SOX5: variants seen among roughly 807,000 people sequenced by gnomAD.
SOX5 encodes transcription factor SOX-5.
In SOX5, 9 loss-of-function variants were observed where a neutral mutation model predicts 92.0. The ratio of observed to expected loss-of-function variants is 0.10; its 90% confidence interval spans 0.06 to 0.17. The LOEUF (loss-of-function observed/expected upper bound fraction) is 0.17, where lower values mean the gene tolerates loss of function less well. SOX5 is among the 10% of genes least tolerant of loss of function. SOX5 has a pLI of 1.00. For synonymous variants in SOX5, 344 were observed against 336.3 expected (o/e 1.02, Z -0.25); for missense variants, 642 against 944.5 (o/e 0.68, Z 4.20).
chr12:23,847,080 ATAT>A (rs550280047), intron 2 of SOX5, among the ~76,000 whole-genome samples: 154 of 152,250 alleles, frequency 1.0e-3, no homozygotes, highest in African/African-American at 3.4e-3. Flanking sequence ...TGTATAAAAC[ATAT>A]TAAGGTGATT....
chr12:24,353,583 G>T (rs1024554347), intron 2 of SOX5, among the ~76,000 whole-genome samples: 1 of 152,032 alleles, frequency 6.6e-6, no homozygotes, highest in Non-Finnish European at 1.5e-5. Flanking sequence ...AAAAGACTGG[G>T]AAGAGTATGT....
At chr12:24,292,940 C>T (rs977823184) in intron 2 of SOX5, among the ~76,000 whole-genome samples, 29 of 152,092 alleles carry the variant, frequency 1.9e-4, no homozygotes, top group Admixed American at 1.8e-3. Flanking sequence ...TCAAGTGAGT[C>T]GGCTGTAGGA....
intron 4 of SOX5, among the ~76,000 whole-genome samples, chr12:24,191,408 C>T (rs1956513740): frequency 6.6e-6 from 1 of 152,168 alleles, no homozygotes; most frequent in Admixed American, 6.5e-5. Context: ...GAGTCTGCTG[C>T]TTGTGCCAAG....
intron 4 of SOX5, among the ~76,000 whole-genome samples, chr12:24,039,737 A>G (rs115721023): frequency 0.022 from 3,417 of 152,278 alleles, 133 homozygotes; most frequent in African/African-American, 0.079. Flanking sequence ...CCCTTTTGTA[A>G]TCATTCACAT....
intron 4 of SOX5, among the ~76,000 whole-genome samples, chr12:24,014,685 T>C (rs1953367934): frequency 6.6e-6 from 1 of 152,140 alleles, no homozygotes. Context: ...TTTGGGAAAG[T>C]CACTTGGAAA....
At chr12:23,778,359 G>A (rs2095172699) in intron 3 of SOX5, among the ~76,000 whole-genome samples, 1 of 152,198 alleles carries the variant, frequency 6.6e-6, no homozygotes, top group Non-Finnish European at 1.5e-5. Context: ...ACGAGGTTAA[G>A]TGAACCAAGT....
rs10533613 is a variant in SOX5 at position 24,117,459 on chromosome 12, G to GAT, written c.-2+95882_-2+95883dup. 2.0e-4 allele frequency among the ~76,000 whole-genome samples: 30 copies of GAT among 151,600 alleles called. 1 individual carries two copies. Among genetic ancestry groups the GAT allele is most frequent in the Admixed American group, 4.6e-4 (7 of 15,238 alleles). On this transcript the variant is annotated intron_variant, in intron 4 of 4. Coordinates refer to the SOX5 transcript ENST00000446891. ...ATATGATCTAGCAATCCCACTTCTG[G>GAT]ATATATATATATACGTAAAGGAATT...
chr12:24,426,539 C>A (rs368348642), intron 1 of SOX5, among the ~76,000 whole-genome samples: 1 of 152,168 alleles, frequency 6.6e-6, no homozygotes. Flanking sequence ...TCACATTTAT[C>A]ATTGAAGGTG....
rs11047478 is a variant in SOX5, at chr12:24,498,682, A to G, written c.-251+63647T>C. Among the ~76,000 whole-genome samples, 1,059 of 152,306 alleles carry G rather than the reference A, an allele frequency of 7.0e-3. 6 individuals carry two copies. The highest frequency in any genetic ancestry group is 0.012 in the Non-Finnish European group (785 of 68,026). Reference sequence around the variant, plus strand: ...TATAATCCACTACTCTAAAAGGACTATACATATGATTATCATAAATGAATT... The same window carrying G: ...TATAATCCACTACTCTAAAAGGACTGTACATATGATTATCATAAATGAATT... On this transcript the variant is annotated intron_variant, in intron 1 of 4. Coordinates refer to the SOX5 transcript ENST00000446891.
chr12:23,762,679 G>A (rs2094596104), intron 3 of SOX5: 1 of 467,148 alleles, frequency 2.1e-6, no homozygotes, highest in East Asian at 3.3e-5. Context: ...TTAGAAAAAT[G>A]TAATGTAATA....
At chr12:24,023,855 T>C (rs1324612345) in intron 4 of SOX5, among the ~76,000 whole-genome samples, 1 of 152,026 alleles carries the variant, frequency 6.6e-6, no homozygotes, top group Non-Finnish European at 1.5e-5. Flanking sequence ...AATATAGCAG[T>C]GAGTAAAATA....
At chr12:23,617,115 G>A in intron 8 of SOX5, among the ~76,000 whole-genome samples, 2 of 118,932 alleles carry the variant, frequency 1.7e-5, no homozygotes. Flanking sequence ...AATAGAACAA[G>A]ACTCTGTCTC....
intron 1 of SOX5, among the ~76,000 whole-genome samples, chr12:24,404,726 G>A (rs531308062): frequency 3.9e-5 from 6 of 152,246 alleles, no homozygotes; most frequent in East Asian, 1.9e-4. Context: ...AGGTCTGTGC[G>A]ACTTTGAAGT....
At chr12:24,518,935 G>A (rs190258682) in intron 1 of SOX5, among the ~76,000 whole-genome samples, 198 of 152,026 alleles carry the variant, frequency 1.3e-3, no homozygotes, top group Middle Eastern at 3.4e-3. Context: ...TAATTCTTTC[G>A]TGTGTTTTCT....
chr12:24,105,034 C>A (rs1420473241), intron 4 of SOX5, among the ~76,000 whole-genome samples: 1 of 152,136 alleles, frequency 6.6e-6, no homozygotes, highest in Non-Finnish European at 1.5e-5. Context: ...CACAGTATAT[C>A]ATCTACTGAA....
chr12:23,861,973 T>A (rs945635592), intron 2 of SOX5, among the ~76,000 whole-genome samples: 3 of 152,218 alleles, frequency 2.0e-5, no homozygotes, highest in African/African-American at 7.2e-5. Flanking sequence ...TTCATCTTTT[T>A]AATTAATTAT....
intron 6 of SOX5, among the ~76,000 whole-genome samples, chr12:23,706,770 T>C (rs1397880393): frequency 6.6e-6 from 1 of 152,006 alleles, no homozygotes; most frequent in Non-Finnish European, 1.5e-5. Flanking sequence ...TAGAGAACTT[T>C]GACATAAAGT....
intron 1 of SOX5, among the ~76,000 whole-genome samples, chr12:24,546,991 A>G (rs1439969314): frequency 6.6e-6 from 1 of 152,174 alleles, no homozygotes; most frequent in African/African-American, 2.4e-5. Flanking sequence ...TCAGTATATA[A>G]TATGCTCAGG....
chr12:23,570,346 A>G (rs1947940101), intron 10 of SOX5, among the ~76,000 whole-genome samples: 1 of 152,144 alleles, frequency 6.6e-6, no homozygotes, highest in South Asian at 2.1e-4. Flanking sequence ...GCAAATGTTA[A>G]TTGTCAGATG....
Sources: allele counts gnomAD v4.1 joint callset (sites outside exome capture counted in the v4.1 genomes callset), GRCh38; gene constraint gnomAD v4.1.1; transcripts MANE v1.5; gene names NCBI Gene and HGNC (gene_info 2026-07-23, HGNC 2026-07-21).